Variants in NFAT5 observed in about 807,000 individuals in gnomAD.
NFAT5 encodes the protein nuclear factor of activated T-cells 5.
In NFAT5, 31 loss-of-function variants were observed where a neutral mutation model predicts 166.5. The observed-to-expected ratio is 0.19, with a 90% CI of 0.14 to 0.25. The LOEUF (loss-of-function observed/expected upper bound fraction) is 0.25. Among genes scored for constraint, NFAT5 ranks in the 10% least tolerant of loss-of-function variants. The pLI is 1.00. For missense variants in NFAT5, 1,449 were observed against 1,821.8 expected (o/e 0.80, Z 3.72); for synonymous variants, 612 against 639.7 (o/e 0.96, Z 0.65).
chr16:69,569,849 T>C (rs1010483541), intron 2 of NFAT5, among the ~76,000 whole-genome samples: 4 of 152,190 alleles, frequency 2.6e-5, no homozygotes, highest in Admixed American at 6.6e-5. Flanking sequence ...AGTATGAAAA[T>C]CAAATATTTT....
At chr16:69,600,491 G>A (rs1166977312) in intron 2 of NFAT5, among the ~76,000 whole-genome samples, 2 of 152,070 alleles carry the variant, frequency 1.3e-5, no homozygotes, top group South Asian at 2.1e-4. Context: ...TGTGGAATGA[G>A]GGAGTTGAAA....
intron 2 of NFAT5, among the ~76,000 whole-genome samples, chr16:69,596,524 G>T (rs552735378): frequency 2.6e-5 from 4 of 152,052 alleles, no homozygotes; most frequent in African/African-American, 9.6e-5. Flanking sequence ...TCAAGACTAT[G>T]CTGGCCAACA....
chr16:69,655,575 A>C (rs374625425), intron 5 of NFAT5, 34 bp from the exon 6 acceptor site: 1 of 1,475,596 alleles, frequency 6.8e-7, no homozygotes. Flanking sequence ...TGAAATACTA[A>C]TTAGTGTTTC....
intron 2 of NFAT5, among the ~76,000 whole-genome samples, chr16:69,604,119 A>G (rs1321473826): frequency 6.6e-6 from 1 of 152,186 alleles, no homozygotes; most frequent in South Asian, 2.1e-4. Context: ...AGGAAAACAG[A>G]CTAAAAGTAA....
At chr16:69,649,286 C>T in intron 4 of NFAT5, 1 of 960,152 alleles carries the variant, frequency 1.0e-6, no homozygotes. Flanking sequence ...TATAAAGTTC[C>T]AGAAGATAAA....
At chr16:69,655,055 A>ACT (rs1290867957) in intron 5 of NFAT5, among the ~76,000 whole-genome samples, 2 of 152,202 alleles carry the variant, frequency 1.3e-5, no homozygotes, top group African/African-American at 2.4e-5. Flanking sequence ...CCCCGTTTGA[A>ACT]CTAGCAGTCT....
intron 13 of NFAT5, 97 bp from the exon 14 acceptor site, chr16:69,695,038 AT>A (rs948004928): frequency 1.1e-6 from 1 of 890,876 alleles, no homozygotes; most frequent in Admixed American, 2.7e-5. Flanking sequence ...ACTAATAAAT[AT>A]CTTTTCATGA....
At chr16:69,677,377 A>G in intron 10 of NFAT5, 42 bp downstream of exon 10, 1 of 1,500,268 alleles carries the variant, frequency 6.7e-7, no homozygotes, top group Admixed American at 2.4e-5. Context: ...CAAATAATTA[A>G]TTTCCAGTTT....
In NFAT5 at chr16:69,647,643, A is replaced by AC. The variant is rs2035494194; in HGVS notation, c.812+57_812+58insC. ...TCATTATGCAAAACAAACAAACAAA[A>AC]AAAATTCCCAATTTTTCCTAATTGC... is the stretch of plus-strand genomic sequence containing the variant. On this transcript the variant is annotated intron_variant, in intron 4 of 14. Transcript: ENST00000349945. This position sits in a 1 kb window ranked among gnomAD's most constrained non-coding sequence, Gnocchi z 4.8. 1 of 1,455,086 alleles carries AC rather than the reference A, an allele frequency of 6.9e-7. No individual in the cohort carries two copies. The highest frequency in any genetic ancestry group is 2.3e-5 in the Admixed American group (1 of 43,372). 90.1% of individuals were successfully genotyped at this position (1,455,086 alleles called of 1,614,324 possible). A position where few individuals can be genotyped will look rare whatever the true frequency, so the allele number is the denominator to read the frequency against.
Position 69,566,162 on chromosome 16 carries a change from T to C in NFAT5, c.-140T>C. ...CGGTCCTCGGCCCAGTGGAAGTCAC[T>C]ACCCTCGAGGAGGAGGCAGCGGCAG... On this transcript the variant is annotated 5_prime_UTR_variant, in exon 1 of 15. Coordinates refer to ENST00000349945, the MANE Select transcript of NFAT5 (RefSeq NM_138713.4). The surrounding 1 kb of genome is among the most constrained non-coding windows in gnomAD (Gnocchi z 5.7). 1.5e-6 allele frequency: 1 copy of C among 652,902 alleles called. No homozygotes were observed. Among genetic ancestry groups the C allele is most frequent in the Non-Finnish European group, 2.6e-6 (1 of 384,498 alleles). The allele number at this position is 652,902 out of a possible 1,614,324, so 40.4% of individuals were successfully genotyped here.
chr16:69,645,062 A>G (rs1462881159), intron 3 of NFAT5, among the ~76,000 whole-genome samples: 1 of 152,198 alleles, frequency 6.6e-6, no homozygotes, highest in African/African-American at 2.4e-5. Context: ...TAGATGTAAT[A>G]CCTTTTCTAT....
intron 2 of NFAT5, among the ~76,000 whole-genome samples, chr16:69,601,722 T>C (rs2033143180): frequency 6.6e-6 from 1 of 152,254 alleles, no homozygotes; most frequent in African/African-American, 2.4e-5. Flanking sequence ...CCTTTGGTGA[T>C]GGACTATTAT....
intron 2 of NFAT5, among the ~76,000 whole-genome samples, chr16:69,574,250 A>G (rs1191644930): frequency 3.3e-5 from 5 of 152,184 alleles, no homozygotes; most frequent in Non-Finnish European, 7.4e-5. Context: ...CTAGAAAAAA[A>G]TAAAGATTAT....
At chr16:69,675,942 A>C (rs1400197073) in intron 9 of NFAT5, among the ~76,000 whole-genome samples, 1 of 152,074 alleles carries the variant, frequency 6.6e-6, no homozygotes, top group Non-Finnish European at 1.5e-5. Context: ...TGCCTGGCCT[A>C]GTTCTTTATT....
chr16:69,690,897 T>C (rs748917347), intron 11 of NFAT5, 43 bp from the exon 12 acceptor site: 1 of 1,418,232 alleles, frequency 7.1e-7, no homozygotes. Flanking sequence ...GTTGGTAAAT[T>C]TTGTGATTTT....
At chr16:69,582,325 G>A (rs1197111675) in intron 2 of NFAT5, among the ~76,000 whole-genome samples, 1 of 152,028 alleles carries the variant, frequency 6.6e-6, no homozygotes, top group Non-Finnish European at 1.5e-5. Flanking sequence ...TTCTTGAATT[G>A]TAAGGGGGTA....
chr16:69,635,023 G>GTTTTTTTTTTTTTTTTTTTTTTTTTTTT (rs530661389), intron 3 of NFAT5, among the ~76,000 whole-genome samples: 1 of 105,268 alleles, frequency 9.5e-6, no homozygotes, highest in Non-Finnish European at 1.8e-5. Context: ...TGTTAGTAAA[G>GTTTTTTTTTTTTTTTTTTTTTTTTTTTT]TTTTTTTTTT....
chr16:69,613,903 A>G (rs569478133), intron 2 of NFAT5, among the ~76,000 whole-genome samples: 1 of 152,346 alleles, frequency 6.6e-6, no homozygotes, highest in Non-Finnish European at 1.5e-5. Context: ...TGTCAGGTTG[A>G]AGGTGATAGT....
At chr16:69,594,363 T>A (rs2032661908) in intron 2 of NFAT5, among the ~76,000 whole-genome samples, 1 of 152,218 alleles carries the variant, frequency 6.6e-6, no homozygotes, top group Admixed American at 6.5e-5. Context: ...ACACGTGGCA[T>A]GACATCACTA....
Sources: allele counts gnomAD v4.1 joint callset (sites outside exome capture counted in the v4.1 genomes callset), GRCh38; gene constraint gnomAD v4.1.1; non-coding constraint Gnocchi (gnomAD v3.1); transcripts MANE v1.5; gene names NCBI Gene and HGNC (gene_info 2026-07-23, HGNC 2026-07-21).